SEMA4F: variants seen among roughly 807,000 people sequenced by gnomAD.
SEMA4F encodes the protein semaphorin-4F.
SEMA4F carries 51 observed loss-of-function variants against 78.4 expected under a neutral mutation model. The observed-to-expected ratio is 0.65, with a 90% CI of 0.52 to 0.82. SEMA4F has a LOEUF of 0.82. Ranked by LOEUF, SEMA4F falls within the 40% of genes least tolerant of loss-of-function variation. SEMA4F has a pLI of 0.00. For synonymous variants in SEMA4F, 418 were observed against 408.7 expected (o/e 1.02, Z -0.27); for missense variants, 938 against 1,014.4 (o/e 0.92, Z 1.02).
At chr2:74,703,232 G>T in the SEMA4F span, among the ~76,000 whole-genome samples, 2 of 152,106 alleles carry the variant, frequency 1.3e-5, no homozygotes, top group African/African-American at 4.8e-5. Flanking sequence ...GCTGGGGGAA[G>T]ATACAAAAAA....
chr2:74,687,082 A>C (rs1361644858), downstream of SEMA4F, among the ~76,000 whole-genome samples: 1 of 152,192 alleles, frequency 6.6e-6, no homozygotes, highest in South Asian at 2.1e-4. Flanking sequence ...ATGAAATCCA[A>C]ATCCTCTGTT....
At chr2:74,686,528 G>T (rs1242933369), downstream of SEMA4F, among the ~76,000 whole-genome samples, 1 of 152,154 alleles carries the variant, frequency 6.6e-6, no homozygotes, top group South Asian at 2.1e-4. Flanking sequence ...CCATTACTGG[G>T]TATATACCCA....
the SEMA4F span, among the ~76,000 whole-genome samples, chr2:74,701,849 ATG>A: frequency 6.6e-6 from 1 of 152,208 alleles, no homozygotes; most frequent in Admixed American, 6.5e-5. Flanking sequence ...TCTAAAAAGA[ATG>A]TGTCTATTTA....
At chr2:74,656,110 G>C (rs1684120868) in intron 1 of SEMA4F, among the ~76,000 whole-genome samples, 1 of 151,764 alleles carries the variant, frequency 6.6e-6, no homozygotes, top group African/African-American at 2.4e-5. Flanking sequence ...CCAGGTTCAA[G>C]CAATTCTCCT....
At position 74,657,545 on chromosome 2, in the gene SEMA4F, G is replaced by A; in HGVS notation, c.298-20G>A. 1 of 1,612,996 alleles carries A rather than the reference G, an allele frequency of 6.2e-7. No homozygotes were observed. Among genetic ancestry groups the A allele is most frequent in the Non-Finnish European group, 8.5e-7 (1 of 1,178,944 alleles). On this transcript the variant is annotated intron_variant, in intron 2 of 13. Transcript: ENST00000357877. ...GATGTTAGGGGAATCTGGGTGAAAT[G>A]ATCACTTCTCCTTTCTCAGATTGAC...
intron 7 of SEMA4F, 61 bp downstream of exon 7, chr2:74,673,889 C>T (rs1685126322): frequency 1.1e-5 from 17 of 1,542,542 alleles, no homozygotes; most frequent in Non-Finnish European, 1.4e-5. Flanking sequence ...CCCGTCTTAT[C>T]TTTTCCTCTT....
chr2:74,680,088 CCAAGAGGGGCAGTGGCTTTGGT>C lies in SEMA4F; in HGVS notation c.2193_2214del (p.Lys732AspfsTer19). 1 of 1,613,996 alleles carries C rather than the reference CCAAGAGGGGCAGTGGCTTTGGT, an allele frequency of 6.2e-7. No individual in the cohort carries two copies. Among genetic ancestry groups the C allele is most frequent in the Non-Finnish European group, 8.5e-7 (1 of 1,179,850 alleles). On this transcript the variant is annotated frameshift_variant, in exon 14 of 14. Transcript: ENST00000357877. LOFTEE classifies it high-confidence loss of function. Reference sequence around the variant, plus strand: ...GATGAGCGGTTGCCGCTGGCCCTGGCCAAGAGGGGCAGTGGCTTTGGTGGATTCTCACCACCCTTCCTGCTTG... The same window carrying C: ...GATGAGCGGTTGCCGCTGGCCCTGGCGGATTCTCACCACCCTTCCTGCTTG...
chr2:74,688,805 T>C (rs1052837618), downstream of SEMA4F, among the ~76,000 whole-genome samples: 3 of 152,364 alleles, frequency 2.0e-5, no homozygotes, highest in Admixed American at 2.0e-4. Flanking sequence ...TTGAATTTTA[T>C]GTATAAGTAT....
chr2:74,705,261 C>T, the SEMA4F span, among the ~76,000 whole-genome samples: 1 of 152,158 alleles, frequency 6.6e-6, no homozygotes, highest in East Asian at 1.9e-4. Context: ...AAAGTGTTAA[C>T]ATTTTCACAT....
At chr2:74,686,375 A>G (rs200521616), downstream of SEMA4F, among the ~76,000 whole-genome samples, 11 of 152,328 alleles carry the variant, frequency 7.2e-5, no homozygotes, top group East Asian at 2.1e-3. Context: ...CTGGGATTAC[A>G]GGCGTGAGCC....
chr2:74,675,453 A>G, intron 10 of SEMA4F, 69 bp downstream of exon 10: 1 of 1,591,022 alleles, frequency 6.3e-7, no homozygotes, highest in Non-Finnish European at 8.6e-7. Flanking sequence ...AGGGTACTGT[A>G]ATACATATAG....
In SEMA4F at chr2:74,673,459, G is replaced by T; in HGVS notation, c.553G>T (p.Gly185Trp). The T allele has an allele frequency of 6.2e-7, 1 of 1,614,072 alleles. No individual in the cohort carries two copies. Among genetic ancestry groups the T allele is most frequent in the Non-Finnish European group, 8.5e-7 (1 of 1,180,014 alleles). ...AQRSAAVMAG[G>W]VLYAATVKNY... is the part of the protein sequence containing the mutation. ...ATCTCCTCCCTGTCGCCCTGCAGGG[G>T]GGGTCCTCTATGCTGCCACTGTGAA... Residue 185 changes from glycine (G) to tryptophan (W), a missense_variant and splice_region_variant, in exon 6 of 14, where the codon GGG (glycine) becomes TGG (tryptophan). Coordinates refer to ENST00000357877, the MANE Select transcript of SEMA4F (RefSeq NM_004263.5).
chr2:74,693,335 G>T, the SEMA4F span, among the ~76,000 whole-genome samples: 150 of 152,214 alleles, frequency 9.9e-4, 1 homozygote, highest in African/African-American at 3.4e-3. Context: ...ATGTTGGCTG[G>T]AACTTCCAGA....
At position 74,681,887 on chromosome 2, in the gene SEMA4F, TTG is replaced by T. The variant is rs2105031612; in HGVS notation, c.*1679_*1680del. 1 of 152,756 alleles carries T rather than the reference TTG, an allele frequency of 6.5e-6. No individual in the cohort carries two copies. Among genetic ancestry groups the T allele is most frequent in the East Asian group, 1.9e-4 (1 of 5,174 alleles). 9.5% of individuals were successfully genotyped at this position (152,756 alleles called of 1,614,324 possible). ...ACTACTCAAAAGAGTCCCCTTGGGT[TTG>T]GAATTATCAGTGGCTTTGCCACTAG... On this transcript the variant is annotated 3_prime_UTR_variant, in exon 14 of 14. Transcript: ENST00000357877.
At chr2:74,664,208 A>G (rs1684572277) in intron 5 of SEMA4F, among the ~76,000 whole-genome samples, 1 of 152,244 alleles carries the variant, frequency 6.6e-6, no homozygotes, top group African/African-American at 2.4e-5. Flanking sequence ...GCATGTGCAC[A>G]GTATAAAACT....
chr2:74,691,283 G>T, the SEMA4F span, among the ~76,000 whole-genome samples: 3 of 152,166 alleles, frequency 2.0e-5, no homozygotes, highest in Admixed American at 2.0e-4. Flanking sequence ...TATGAGAACT[G>T]ACCATGCTGC....
chr2:74,680,120 C>T lies in SEMA4F; in HGVS notation c.2224C>T (p.Pro742Ser), dbSNP rs1459253016. The T allele has an allele frequency of 1.2e-6, 2 of 1,613,136 alleles. No individual in the cohort carries two copies. Among genetic ancestry groups the T allele is most frequent in the East Asian group, 4.5e-5 (2 of 44,824 alleles). ...GGGCAGTGGCTTTGGTGGATTCTCA[C>T]CACCCTTCCTGCTTGATCCTTGCCC... is the stretch of plus-strand genomic sequence containing the variant. ...KRGSGFGGFS[P>S]PFLLDPCPSP... The change falls in exon 14 of 14, where the codon CCA (proline) becomes TCA (serine). Residue 742 changes from proline (P) to serine (S), a missense_variant. Coordinates refer to ENST00000357877, the MANE Select transcript of SEMA4F (RefSeq NM_004263.5).
Position 74,680,069 on chromosome 2 carries a change from C to T in SEMA4F, c.2173C>T (p.Arg725Trp), listed in dbSNP as rs41285997. ...DPPSPSPEDE[R>W]LPLALAKRGS... ...TCCCTCCCCCTCTCCTGAAGATGAGCGGTTGCCGCTGGCCCTGGCCAAGAG... is the reference window on the plus strand; with the variant it reads ...TCCCTCCCCCTCTCCTGAAGATGAGTGGTTGCCGCTGGCCCTGGCCAAGAG... The change falls in exon 14 of 14, where the codon CGG (arginine) becomes TGG (tryptophan). Residue 725 changes from arginine to tryptophan, a missense_variant. By Grantham distance (101) the Arg-to-Trp change is moderately radical. Coordinates refer to ENST00000357877, the MANE Select transcript of SEMA4F (RefSeq NM_004263.5). The T allele has an allele frequency of 2.1e-4, 347 of 1,614,098 alleles. No individual in the cohort carries two copies. The highest frequency in any genetic ancestry group is 2.7e-4 in the Non-Finnish European group (315 of 1,179,926).
downstream of SEMA4F, among the ~76,000 whole-genome samples, chr2:74,686,058 C>T (rs1327971163): frequency 1.3e-5 from 2 of 151,774 alleles, no homozygotes; most frequent in African/African-American, 4.8e-5. Context: ...AGTCAGGAAA[C>T]AACAGATGCT....
Sources: allele counts gnomAD v4.1 joint callset (sites outside exome capture counted in the v4.1 genomes callset), GRCh38; gene constraint gnomAD v4.1.1; transcripts MANE v1.5; gene names NCBI Gene and HGNC (gene_info 2026-07-23, HGNC 2026-07-21).